MTUS1: variants seen among roughly 807,000 people sequenced by gnomAD.
The protein encoded by MTUS1 is microtubule associated scaffold protein 1, also known as microtubule-associated tumor suppressor 1.
MTUS1 carries 109 observed loss-of-function variants against 120.8 expected under a neutral mutation model. The observed-to-expected ratio is 0.90, with a 90% CI of 0.77 to 1.06. The LOEUF (loss-of-function observed/expected upper bound fraction) is 1.06. Among genes scored for constraint, MTUS1 ranks in the 50% least tolerant of loss-of-function variants. The pLI is 0.00. For missense variants in MTUS1, 2,210 were observed against 1,486.3 expected (o/e 1.49, Z -8.01); for synonymous variants, 737 against 550.5 (o/e 1.34, Z -4.74).
rs192118997 is a variant in MTUS1, at chr8:17,682,396, T to C, written c.2838+1932A>G. Among the ~76,000 whole-genome samples, 413 of 151,470 alleles carry C rather than the reference T, an allele frequency of 2.7e-3. 4 individuals are homozygous for C. The highest frequency in any genetic ancestry group is 3.5e-3 in the Non-Finnish European group (240 of 67,910). On this transcript the variant is annotated intron_variant, in intron 7 of 14. Transcript: ENST00000693296. ...AGTCGGGCATGGTGGCGGGTGCCTG[T>C]AATCCCAGCTATTCGGGAGGCTGAG...
rs368098537 is a variant in MTUS1, at chr8:17,758,915, A to T, written c.-154-2954T>A. On this transcript the variant is annotated intron_variant, in intron 1 of 14. Transcript: ENST00000693296. ...TATTTATTTTGAGACGGAGTCTGGCACTGTCGCCCGGGCTGGAGTGCAGTG... is the reference window on the plus strand; with the variant it reads ...TATTTATTTTGAGACGGAGTCTGGCTCTGTCGCCCGGGCTGGAGTGCAGTG... Among the ~76,000 whole-genome samples the T allele has an allele frequency of 7.9e-5, 12 of 152,290 alleles. No individual in the cohort carries two copies. The East Asian group carries it at 1.4e-3, about 17-fold the overall frequency.
chr8:17,793,455 A>G (rs909460007), intron 1 of MTUS1, among the ~76,000 whole-genome samples: 72 of 152,218 alleles, frequency 4.7e-4, no homozygotes, highest in African/African-American at 1.6e-3. Context: ...CTGTGGTTTA[A>G]AAGACCTTCC....
At chr8:17,660,649 G>C (rs950089582) in intron 8 of MTUS1, among the ~76,000 whole-genome samples, 1 of 152,084 alleles carries the variant, frequency 6.6e-6, no homozygotes, top group African/African-American at 2.4e-5. Context: ...ATTCCCATCA[G>C]CAGTACTACA....
chr8:17,645,701 C>CT lies in MTUS1; in HGVS notation c.*224dup, dbSNP rs551619767. On this transcript the variant is annotated 3_prime_UTR_variant, in exon 15 of 15. Transcript: ENST00000693296. ...ACAACGTCCGTGTCGATGCCGAAAT[C>CT]TTTTTTTAAATCTTTTTTTGGAGGA... 238 of 530,292 alleles carry CT rather than the reference C, an allele frequency of 4.5e-4. No homozygotes were observed. Among genetic ancestry groups the CT allele is most frequent in the African/African-American group, 4.3e-3 (224 of 51,546 alleles). The allele number at this position is 530,292 out of a possible 1,614,324, so 32.8% of individuals were successfully genotyped here.
chr8:17,677,946 G>C (rs1452313144), intron 7 of MTUS1, among the ~76,000 whole-genome samples: 1 of 152,006 alleles, frequency 6.6e-6, no homozygotes, highest in Non-Finnish European at 1.5e-5. Context: ...TTAAGACATG[G>C]TCCCTGCCTT....
chr8:17,743,851 C>T (rs1221926939), intron 2 of MTUS1, 52 bp from the exon 3 acceptor site: 30 of 1,514,674 alleles, frequency 2.0e-5, no homozygotes, highest in Non-Finnish European at 2.7e-5. Context: ...TCTAAGCCCC[C>T]CAACTGACTG....
chr8:17,798,797 A>G (rs1431398189), intron 1 of MTUS1, among the ~76,000 whole-genome samples: 2 of 152,236 alleles, frequency 1.3e-5, no homozygotes, highest in Admixed American at 6.5e-5. Context: ...TAAAATGGGA[A>G]AAGTATCTGC....
chr8:17,666,392 T>C (rs917395000), intron 8 of MTUS1, among the ~76,000 whole-genome samples: 1 of 152,154 alleles, frequency 6.6e-6, no homozygotes, highest in African/African-American at 2.4e-5. Context: ...TAAAAGTCCT[T>C]GGCATGTGTA....
chr8:17,705,155 T>G (rs982107316), intron 6 of MTUS1, among the ~76,000 whole-genome samples: 7 of 152,082 alleles, frequency 4.6e-5, no homozygotes, highest in African/African-American at 1.7e-4. Flanking sequence ...CTAATTTTTT[T>G]GTATTTTTGG....
In MTUS1 at chr8:17,653,447, G is replaced by C. The variant is rs753951233; in HGVS notation, c.3266C>G (p.Ser1089Cys). The change falls in exon 11 of 15, where the codon TCT becomes TGT. Residue 1089 changes from serine (S) to cysteine (C), a missense_variant. Coordinates refer to ENST00000693296, the MANE Select transcript of MTUS1 (RefSeq NM_001363059.2). Reference protein sequence around the residue: ...IEKKSLEDLLSEKQESLEKQI... With the variant: ...IEKKSLEDLLCEKQESLEKQI... ...CACCTCTAGCGATTCCTGCTTCTCAGAAAGTAAATCTTCAAGCGATTTCTT... is the reference window on the plus strand; with the variant it reads ...CACCTCTAGCGATTCCTGCTTCTCACAAAGTAAATCTTCAAGCGATTTCTT... 2 of 1,611,564 alleles carry C rather than the reference G, an allele frequency of 1.2e-6. No homozygotes were observed. The highest frequency in any genetic ancestry group is 1.1e-5 in the South Asian group (1 of 90,312).
At chr8:17,759,777 A>T (rs1474937017) in intron 1 of MTUS1, among the ~76,000 whole-genome samples, 1 of 151,552 alleles carries the variant, frequency 6.6e-6, no homozygotes, top group African/African-American at 2.4e-5. Flanking sequence ...CGGTTGTGAA[A>T]CGCCACTAAA....
chr8:17,738,960 G>A (rs1379230954), intron 3 of MTUS1, among the ~76,000 whole-genome samples: 2 of 151,450 alleles, frequency 1.3e-5, no homozygotes, highest in Admixed American at 6.6e-5. Context: ...GCAACAAAGT[G>A]AGACCCCCCC....
intron 6 of MTUS1, among the ~76,000 whole-genome samples, chr8:17,708,463 G>C (rs1820595461): frequency 6.6e-6 from 1 of 152,188 alleles, no homozygotes; most frequent in Admixed American, 6.5e-5. Flanking sequence ...TGTTGACAAG[G>C]CTGTGGAGAA....
intron 3 of MTUS1, among the ~76,000 whole-genome samples, chr8:17,725,425 T>A (rs548564667): frequency 1.3e-5 from 2 of 152,316 alleles, no homozygotes; most frequent in African/African-American, 4.8e-5. Flanking sequence ...CCTACATCCA[T>A]GTGTGCTCTG....
intron 5 of MTUS1, among the ~76,000 whole-genome samples, chr8:17,714,201 G>A (rs1284451243): frequency 6.6e-6 from 1 of 152,096 alleles, no homozygotes; most frequent in East Asian, 1.9e-4. Flanking sequence ...ACAACCTGCT[G>A]CACACTGAAG....
At chr8:17,656,116 G>A in intron 8 of MTUS1, 51 bp from the exon 9 acceptor site, 1 of 1,534,444 alleles carries the variant, frequency 6.5e-7, no homozygotes, top group Non-Finnish European at 9.0e-7. Flanking sequence ...TTTGTGAAAT[G>A]TCCTATATTC....
intron 8 of MTUS1, among the ~76,000 whole-genome samples, chr8:17,669,034 C>G (rs11203889): frequency 0.75 from 113,901 of 152,196 alleles, 42,977 homozygotes; most frequent in East Asian, 0.96. Flanking sequence ...TAAGCACCTG[C>G]TAAGTGCCAA....
chr8:17,714,218 A>T (rs1424609828), intron 5 of MTUS1, among the ~76,000 whole-genome samples: 1 of 152,164 alleles, frequency 6.6e-6, no homozygotes, highest in African/African-American at 2.4e-5. Flanking sequence ...GAAGAATTCA[A>T]CCCACTCCTA....
chr8:17,755,174 G>A lies in MTUS1; in HGVS notation c.634C>T (p.His212Tyr). 2 of 1,614,164 alleles carry A rather than the reference G, an allele frequency of 1.2e-6. No individual in the cohort carries two copies. The highest frequency in any genetic ancestry group is 1.7e-6 in the Non-Finnish European group (2 of 1,180,034). Residue 212 changes from histidine to tyrosine, a missense_variant, in exon 2 of 15, where the codon CAT becomes TAT. His to Tyr is a moderately conservative substitution (Grantham distance 83, BLOSUM62 2). Transcript: ENST00000693296. ...TCTCTTGCATGCGTCTTATCAGAAT[G>A]GGAAGATGTCCAAGTGGAATAGGAT... ...SLSYSTWTSS[H>Y]SDKTHARETT... is the part of the protein sequence containing the mutation.
Sources: gnomAD v4.1 joint callset for allele counts (sites outside exome capture counted in the v4.1 genomes callset) on GRCh38, gnomAD v4.1.1 for gene constraint, MANE v1.5 for transcripts, NCBI Gene and HGNC (gene_info 2026-07-23, HGNC 2026-07-21) for gene names.